The following STRAP variants were observed in gnomAD, a reference collection of about 807,000 sequenced individuals.
STRAP encodes serine/threonine kinase receptor associated protein.
Under a neutral mutation model 47.0 loss-of-function variants are expected in STRAP, and 16 were observed. The ratio of observed to expected loss-of-function variants is 0.34; its 90% CI spans 0.23 to 0.52. The LOEUF (loss-of-function observed/expected upper bound fraction) is 0.52. Among genes scored for constraint, STRAP ranks in the 20% least tolerant of loss-of-function variants. STRAP has a pLI of 0.96. For missense variants in STRAP, 293 were observed against 420.0 expected (o/e 0.70, Z 2.64); for synonymous variants, 130 against 142.7 (o/e 0.91, Z 0.63).
Position 15,887,745 on chromosome 12 carries a change from C to G in STRAP, c.249-2183C>G, listed in dbSNP as rs1591984071. 6.6e-6 allele frequency among the ~76,000 whole-genome samples: 1 copy of G among 151,980 alleles called. No individual in the cohort carries two copies. Among genetic ancestry groups the G allele is most frequent in the East Asian group, 1.9e-4 (1 of 5,184 alleles). On this transcript the variant is annotated intron_variant, in intron 2 of 9. Coordinates refer to ENST00000419869, the MANE Select transcript of STRAP (RefSeq NM_007178.4). This position sits in a 1 kb window ranked among gnomAD's most constrained non-coding sequence, Gnocchi z 5.5. ...TTAGAGCTGCCATGTTGGCGTTAGC[C>G]TGTAGCTACTTAGGAGGCTGAGGTG...
At chr12:15,885,965 A>G (rs910523790) in intron 2 of STRAP, among the ~76,000 whole-genome samples, 7 of 152,232 alleles carry the variant, frequency 4.6e-5, no homozygotes, top group African/African-American at 1.7e-4. Flanking sequence ...AAAATCACAT[A>G]TTATTTTGAA....
chr12:15,884,199 C>T (rs377606856), intron 2 of STRAP, among the ~76,000 whole-genome samples: 1 of 152,190 alleles, frequency 6.6e-6, no homozygotes, highest in Non-Finnish European at 1.5e-5. Context: ...TCTAGATTAT[C>T]ATCATCTTTT....
chr12:15,891,771 CATCTCTACTAAAA>C (rs1948016894), intron 4 of STRAP, among the ~76,000 whole-genome samples: 1 of 152,036 alleles, frequency 6.6e-6, no homozygotes, highest in Admixed American at 6.6e-5. Context: ...GGTGAAACCC[CATCTCTACTAAAA>C]GTACAAAAAA....
chr12:15,883,471 T>C, intron 1 of STRAP, 70 bp from the exon 2 acceptor site: 1 of 1,505,124 alleles, frequency 6.6e-7, no homozygotes, highest in Non-Finnish European at 9.0e-7. Flanking sequence ...TCATTGTATA[T>C]TTACATTTGA....
At position 15,890,021 on chromosome 12, in the gene STRAP, T is replaced by G; in HGVS notation, c.330+12T>G. 1 of 1,612,748 alleles carries G rather than the reference T, an allele frequency of 6.2e-7. No homozygotes were observed. Among genetic ancestry groups the G allele is most frequent in the Non-Finnish European group, 8.5e-7 (1 of 1,179,028 alleles). On this transcript the variant is annotated intron_variant, in intron 3 of 9. Transcript: ENST00000419869. This position sits in a 1 kb window ranked among gnomAD's most constrained non-coding sequence, Gnocchi z 4.5. ...TGGATTTCACGCAGGTATCAGAAAATGGAATTTATTTTAGCGAGTTAAGTT... is the reference window on the plus strand; with the variant it reads ...TGGATTTCACGCAGGTATCAGAAAAGGGAATTTATTTTAGCGAGTTAAGTT...
In STRAP at chr12:15,883,642, A is replaced by G. The variant is rs1189988255; in HGVS notation, c.214A>G (p.Thr72Ala). 1 of 1,614,236 alleles carries G rather than the reference A, an allele frequency of 6.2e-7. No homozygotes were observed. The highest frequency in any genetic ancestry group is 2.2e-5 in the East Asian group (1 of 44,888). Residue 72 changes from threonine to alanine, a missense_variant, in exon 2 of 10, where the codon ACC (threonine) becomes GCC (alanine). Physicochemically the swap from Thr to Ala is moderately conservative, Grantham distance 58. Coordinates refer to ENST00000419869, the MANE Select transcript of STRAP (RefSeq NM_007178.4). Reference sequence around the variant, plus strand: ...GGGTGCAACACTGAATAAGGATGCCACCAAAGCAGCTACAGCAGCTGCAGA... The same window carrying G: ...GGGTGCAACACTGAATAAGGATGCCGCCAAAGCAGCTACAGCAGCTGCAGA... ...VWGATLNKDA[T>A]KAATAAADFT...
chr12:15,883,288 A>G (rs981907303), intron 1 of STRAP, among the ~76,000 whole-genome samples: 2 of 152,200 alleles, frequency 1.3e-5, no homozygotes, highest in Non-Finnish European at 2.9e-5. Context: ...AAATAAGACT[A>G]AAATCTAGAT....
chr12:15,883,847 T>G (rs188882697), intron 2 of STRAP, among the ~76,000 whole-genome samples, 171 bp downstream of exon 2: 283 of 152,366 alleles, frequency 1.9e-3, no homozygotes, highest in Non-Finnish European at 1.9e-3. Context: ...CCTGTGTGCT[T>G]CTTTGTCTTC....
chr12:15,885,257 C>T (rs896166738), intron 2 of STRAP, among the ~76,000 whole-genome samples: 2 of 145,486 alleles, frequency 1.4e-5, no homozygotes, highest in African/African-American at 2.6e-5. Context: ...GGCACAGTCT[C>T]GGCTCACTGC....
rs1591981252 is a variant in STRAP, at chr12:15,882,667, A to G, written c.-41A>G. The stretch of plus-strand genomic sequence containing the variant: ...GCAGAAGAGAGAAAAGACAACGACG[A>G]CCCTCAGCTCGCCAGTCCGGTCGCT... On this transcript the variant is annotated 5_prime_UTR_variant, in exon 1 of 10. Coordinates refer to ENST00000419869, the MANE Select transcript of STRAP (RefSeq NM_007178.4). 1.3e-6 allele frequency: 2 copies of G among 1,545,116 alleles called. No individual in the cohort carries two copies. Among genetic ancestry groups the G allele is most frequent in the African/African-American group, 2.7e-5 (2 of 73,780 alleles).
intron 9 of STRAP, 111 bp from the exon 10 acceptor site, chr12:15,902,806 C>G: frequency 7.6e-7 from 1 of 1,315,804 alleles, no homozygotes; most frequent in African/African-American, 1.5e-5. Context: ...CCACAGTATG[C>G]TTTACAAACA....
intron 2 of STRAP, among the ~76,000 whole-genome samples, chr12:15,888,909 A>G (rs770852319): frequency 1.3e-5 from 2 of 152,124 alleles, no homozygotes; most frequent in African/African-American, 4.8e-5. Context: ...GTATTGGGGT[A>G]AGCAAAAGAA....
In STRAP at chr12:15,894,273, A is replaced by T; in HGVS notation, c.500+130A>T. 1 of 634,346 alleles carries T rather than the reference A, an allele frequency of 1.6e-6. No individual in the cohort carries two copies. Among genetic ancestry groups the T allele is most frequent in the Non-Finnish European group, 2.7e-6 (1 of 365,016 alleles). The allele number at this position is 634,346 out of a possible 1,614,324, so 39.3% of individuals were successfully genotyped here. ...CAGGAGTACTAGACCAGCCTGGCCG[A>T]CATGGCGAAATACTGTCTCTATGAA... On this transcript the variant is annotated intron_variant, in intron 5 of 9. Coordinates refer to ENST00000419869, the MANE Select transcript of STRAP (RefSeq NM_007178.4). This position sits in a 1 kb window ranked among gnomAD's most constrained non-coding sequence, Gnocchi z 4.9.
chr12:15,903,053 T>C lies in STRAP; in HGVS notation c.*75T>C. On this transcript the variant is annotated 3_prime_UTR_variant, in exon 10 of 10. Coordinates refer to ENST00000419869, the MANE Select transcript of STRAP (RefSeq NM_007178.4). ...AGAGAAAAGCATCAGCCTTCCAGAG[T>C]TACTGTCTGCTTAAGGCAGAAACAG... is the stretch of plus-strand genomic sequence containing the variant. The C allele has an allele frequency of 7.0e-7, 1 of 1,428,304 alleles. No homozygotes were observed. The highest frequency in any genetic ancestry group is 9.3e-7 in the Non-Finnish European group (1 of 1,078,742). The allele number at this position is 1,428,304 out of a possible 1,614,324, so 88.5% of individuals were successfully genotyped here. A position where few individuals can be genotyped will look rare whatever the true frequency, so the allele number is the denominator to read the frequency against.
rs1948073358 is a variant in STRAP at position 15,897,894 on chromosome 12, T to G, written c.651T>G (p.Ile217Met). 1 of 1,547,172 alleles carries G rather than the reference T, an allele frequency of 6.5e-7. No individual in the cohort carries two copies. Among genetic ancestry groups the G allele is most frequent in the African/African-American group, 1.4e-5 (1 of 70,580 alleles). The change falls in exon 7 of 10, where the codon ATT (isoleucine) becomes ATG (methionine). Residue 217 changes from isoleucine to methionine, a missense_variant. Transcript: ENST00000419869. ...AFHSAVSLDP[I>M]KSFEAPATIN... ...AATTTTTTTTCAGTTTGGACCCAAT[T>G]AAATCCTTTGAAGCTCCTGCAACCA...
At chr12:15,898,835 G>A (rs193167605) in intron 7 of STRAP, among the ~76,000 whole-genome samples, 228 of 152,210 alleles carry the variant, frequency 1.5e-3, no homozygotes, top group East Asian at 9.9e-3. Flanking sequence ...ACCAAAGAAC[G>A]AAGCTTGCTA....
chr12:15,885,913 G>A (rs1231063611), intron 2 of STRAP, among the ~76,000 whole-genome samples: 9 of 152,120 alleles, frequency 5.9e-5, no homozygotes, highest in African/African-American at 1.4e-4. Flanking sequence ...GTAAAGTAAC[G>A]ATGATAGCTA....
At position 15,889,498 on chromosome 12, in the gene STRAP, A is replaced by AT. The variant is rs928095449; in HGVS notation, c.249-425dup. Among the ~76,000 whole-genome samples, 35 of 152,118 alleles carry AT rather than the reference A, an allele frequency of 2.3e-4. 1 individual carries two copies. Among genetic ancestry groups the AT allele is most frequent in the African/African-American group, 8.2e-4 (34 of 41,524 alleles). On this transcript the variant is annotated intron_variant, in intron 2 of 9. Transcript: ENST00000419869. Reference sequence around the variant, plus strand: ...TTAAGGATTTCTGGTTTTTTTATTTATTTTTATTTTTTATTGTGCATCTGA... The same window carrying AT: ...TTAAGGATTTCTGGTTTTTTTATTTATTTTTTATTTTTTATTGTGCATCTGA...
At chr12:15,883,513 A>G in intron 1 of STRAP, 28 bp from the exon 2 acceptor site, 1 of 1,599,530 alleles carries the variant, frequency 6.3e-7, no homozygotes, top group Non-Finnish European at 8.5e-7. Context: ...GAACTTATAA[A>G]TTACATGTTT....
Sources: gnomAD v4.1 joint callset for allele counts (sites outside exome capture counted in the v4.1 genomes callset) on GRCh38, gnomAD v4.1.1 for gene constraint, Gnocchi (gnomAD v3.1) non-coding constraint, MANE v1.5 for transcripts, NCBI Gene and HGNC (gene_info 2026-07-23, HGNC 2026-07-21) for gene names.